The following ZNF846 variants were observed in gnomAD, a reference collection of about 807,000 sequenced individuals.
ZNF846 encodes the protein zinc finger protein 420 pseudogene.
A neutral mutation model predicts 16.0 loss-of-function variants in ZNF846; 15 were observed. The ratio of observed to expected loss-of-function variants is 0.94; its 90% CI spans 0.63 to 1.45. The LOEUF (loss-of-function observed/expected upper bound fraction) is 1.45. ZNF846 is among the 40% of genes most tolerant of loss of function. The pLI, the probability that ZNF846 is intolerant of heterozygous loss-of-function variation, is 0.00. For synonymous variants in ZNF846, 229 were observed against 212.0 expected (o/e 1.08, Z -0.70); for missense variants, 714 against 622.3 (o/e 1.15, Z -1.57).
At chr19:9,749,637 G>A (rs1488709291), downstream of ZNF846, among the ~76,000 whole-genome samples, 1 of 145,060 alleles carries the variant, frequency 6.9e-6, no homozygotes, top group Admixed American at 7.2e-5. Context: ...GTTACCTCCA[G>A]CATAGTATCA....
At chr19:9,774,320 T>G (rs2045414977) in intron 1 of ZNF846, among the ~76,000 whole-genome samples, 1 of 151,770 alleles carries the variant, frequency 6.6e-6, no homozygotes, top group Admixed American at 6.6e-5. Flanking sequence ...TACAAAAAAT[T>G]AGCCAGGCGT....
chr19:9,765,025 G>GA (rs1403472791), exon 2 of ZNF846: 15 of 1,541,076 alleles, frequency 9.7e-6, no homozygotes, highest in East Asian at 2.2e-5. Flanking sequence ...AAGTGTCCTG[G>GA]AAAAAATGAC....
downstream of ZNF846, chr19:9,756,650 C>CTTTGATGTTGAGTTA (rs2045139894): frequency 6.6e-6 from 1 of 151,240 alleles, no homozygotes; most frequent in Non-Finnish European, 1.5e-5. Flanking sequence ...ACTGTGAGTT[C>CTTTGATGTTGAGTTA]TTTGATGTTG....
chr19:9,762,924 C>T (rs1035851472), intron 3 of ZNF846, among the ~76,000 whole-genome samples: 8 of 152,012 alleles, frequency 5.3e-5, no homozygotes, highest in Non-Finnish European at 1.2e-4. Context: ...GCAGGTGGAT[C>T]ACCTGAGGTC....
chr19:9,778,928 G>C (rs1439511425), intron 1 of ZNF846, among the ~76,000 whole-genome samples: 1 of 150,968 alleles, frequency 6.6e-6, no homozygotes, highest in Non-Finnish European at 1.5e-5. Context: ...ACAGGTGTTA[G>C]CCACCATGCC....
chr19:9,759,868 C>T (rs747257927), exon 5 of ZNF846: 2 of 1,611,064 alleles, frequency 1.2e-6, no homozygotes, highest in Non-Finnish European at 1.7e-6. Context: ...ACCAATTGTA[C>T]TCCATTTGGT....
chr19:9,766,110 A>T (rs1191234459), intron 1 of ZNF846, among the ~76,000 whole-genome samples: 1 of 152,120 alleles, frequency 6.6e-6, no homozygotes, highest in Admixed American at 6.6e-5. Flanking sequence ...GATTTGGTTC[A>T]TATCTTTGCT....
intron 1 of ZNF846, among the ~76,000 whole-genome samples, chr19:9,778,159 A>G (rs944448224): frequency 1.3e-5 from 2 of 152,366 alleles, no homozygotes; most frequent in Admixed American, 6.5e-5. Context: ...AAAGATGTTC[A>G]AAGAACTAAA....
chr19:9,775,905 T>C (rs2045436068), intron 1 of ZNF846, among the ~76,000 whole-genome samples: 1 of 152,236 alleles, frequency 6.6e-6, no homozygotes, highest in Non-Finnish European at 1.5e-5. Context: ...ATCATTAGTT[T>C]GTGGCAATTA....
chr19:9,749,286 C>T (rs1033909506), downstream of ZNF846, among the ~76,000 whole-genome samples: 2 of 152,144 alleles, frequency 1.3e-5, no homozygotes, highest in Non-Finnish European at 2.9e-5. Flanking sequence ...AAGTCATCCC[C>T]ACTACTTGGA....
At chr19:9,756,363 A>ATATATG (rs2045136661), downstream of ZNF846, 1 of 127,324 alleles carries the variant, frequency 7.9e-6, no homozygotes, top group African/African-American at 3.8e-5. Context: ...ATATATATAT[A>ATATATG]TATATATATA....
intron 1 of ZNF846, among the ~76,000 whole-genome samples, chr19:9,783,293 C>T (rs915041211): frequency 7.8e-6 from 1 of 128,148 alleles, no homozygotes; most frequent in Non-Finnish European, 1.6e-5. Flanking sequence ...TGCAGTAGCA[C>T]GATCTCAGCT....
At chr19:9,751,851 TA>T (rs1435548028), downstream of ZNF846, 1 of 152,408 alleles carries the variant, frequency 6.6e-6, no homozygotes, top group Non-Finnish European at 1.5e-5. Flanking sequence ...AGACCAATGA[TA>T]ATCCCACCAT....
At chr19:9,757,728 C>T (rs10414485) in exon 6 of ZNF846, 340,409 of 1,613,170 alleles carry the variant, frequency 0.21, 40,942 homozygotes, top group African/African-American at 0.41. Context: ...CTTACATTCA[C>T]AGGCCTTTTC....
chr19:9,781,945 T>C (rs575836279), intron 1 of ZNF846, among the ~76,000 whole-genome samples: 1 of 151,842 alleles, frequency 6.6e-6, no homozygotes, highest in South Asian at 2.1e-4. Context: ...GCCCTGCTAA[T>C]TTTGTATTTT....
chr19:9,753,232 AT>A (rs1362551919), downstream of ZNF846, among the ~76,000 whole-genome samples: 3 of 112,766 alleles, frequency 2.7e-5, no homozygotes, highest in Non-Finnish European at 2.0e-5. Flanking sequence ...TTATTTATTT[AT>A]TTATTTATTT....
chr19:9,757,390 C>G, downstream of ZNF846: 1 of 1,107,040 alleles, frequency 9.0e-7, no homozygotes, highest in South Asian at 1.6e-5. Flanking sequence ...TATGGAAATT[C>G]AGTGAAGGTT....
chr19:9,752,502 C>G (rs112906765), downstream of ZNF846: 39,883 of 325,510 alleles, frequency 0.12, 3,317 homozygotes, highest in Admixed American at 0.27. Context: ...GTGATCCCAG[C>G]TACTCGGGAG....
chr19:9,758,848 T>C, intron 5 of ZNF846, 84 bp from the exon 6 acceptor site: 4 of 1,075,068 alleles, frequency 3.7e-6, no homozygotes, highest in East Asian at 2.4e-5. Flanking sequence ...CATATATGCA[T>C]TGGAAATATA....
Sources: allele counts gnomAD v4.1 joint callset (sites outside exome capture counted in the v4.1 genomes callset), GRCh38; gene constraint gnomAD v4.1.1; transcripts MANE v1.5; gene names NCBI Gene and HGNC (gene_info 2026-07-23, HGNC 2026-07-21).